NELL1: variants seen among roughly 807,000 people sequenced by gnomAD.
NELL1 encodes the protein neural EGFL like 1, also known as protein kinase C-binding protein NELL1.
Under a neutral mutation model 107.4 loss-of-function variants are expected in NELL1, and 76 were observed. The observed-to-expected ratio is 0.71, with a 90% CI of 0.59 to 0.86. NELL1 has a LOEUF of 0.86. Ranked by LOEUF, NELL1 falls within the 40% of genes least tolerant of loss-of-function variation. NELL1 has a pLI of 0.00. For synonymous variants in NELL1, 353 were observed against 341.2 expected, an observed-to-expected ratio of 1.03 and a Z score of -0.38; for missense variants, 1,024 against 1,005.5, an observed-to-expected ratio of 1.02 and a Z score of -0.25.
chr11:20,948,888 G>A (rs1851018097), intron 11 of NELL1, among the ~76,000 whole-genome samples: 1 of 151,760 alleles, frequency 6.6e-6, no homozygotes, highest in South Asian at 2.1e-4. Context: ...GAGCTTTGAA[G>A]CTTCCAGAGT....
intron 12 of NELL1, among the ~76,000 whole-genome samples, chr11:21,037,971 T>A (rs572226573): frequency 1.5e-4 from 23 of 152,176 alleles, no homozygotes; most frequent in Non-Finnish European, 2.8e-4. Context: ...AAGAGAGATG[T>A]TTGTTGGTTG....
chr11:21,231,915 G>A (rs1858061187), intron 14 of NELL1, among the ~76,000 whole-genome samples: 1 of 152,030 alleles, frequency 6.6e-6, no homozygotes. Flanking sequence ...ATTGGATAAA[G>A]AGCTTGTACT....
chr11:21,557,667 C>T (rs1856752330), intron 16 of NELL1, among the ~76,000 whole-genome samples: 1 of 151,910 alleles, frequency 6.6e-6, no homozygotes, highest in Non-Finnish European at 1.5e-5. Context: ...TGCTAATTTG[C>T]TGTATTTTTT....
intron 2 of NELL1, among the ~76,000 whole-genome samples, chr11:20,693,302 G>T (rs1243953774): frequency 2.0e-5 from 3 of 151,764 alleles, no homozygotes; most frequent in Non-Finnish European, 4.4e-5. Flanking sequence ...AGCTAATATT[G>T]TCGTATGTGA....
chr11:20,684,101 T>A (rs1854251152), intron 2 of NELL1, among the ~76,000 whole-genome samples: 1 of 151,412 alleles, frequency 6.6e-6, no homozygotes, highest in South Asian at 2.1e-4. Context: ...ATTGATATTA[T>A]ATTTATTTAA....
intron 13 of NELL1, among the ~76,000 whole-genome samples, chr11:21,208,263 C>T (rs1012795989): frequency 4.0e-5 from 6 of 151,704 alleles, no homozygotes; most frequent in Admixed American, 1.3e-4. Context: ...ATAAAAGATA[C>T]GTATTATAAA....
intron 11 of NELL1, among the ~76,000 whole-genome samples, chr11:20,948,765 T>TAAAAAAAAAAA (rs35915453): frequency 1.9e-5 from 2 of 107,284 alleles, no homozygotes; most frequent in Non-Finnish European, 1.9e-5. Flanking sequence ...TTCAAAATCT[T>TAAAAAAAAAAA]AAAAAAAAAA....
intron 15 of NELL1, among the ~76,000 whole-genome samples, chr11:21,409,412 C>A (rs1475958275): frequency 6.6e-6 from 1 of 151,826 alleles, no homozygotes; most frequent in Non-Finnish European, 1.5e-5. Flanking sequence ...AGGGGAACAT[C>A]ACACTCTGAG....
chr11:20,807,040 T>G (rs568398424), intron 3 of NELL1, among the ~76,000 whole-genome samples: 1 of 152,194 alleles, frequency 6.6e-6, no homozygotes, highest in African/African-American at 2.4e-5. Context: ...GTTTGATCCT[T>G]GGTGCATTAT....
At chr11:21,397,480 C>T (rs1023825863) in intron 15 of NELL1, among the ~76,000 whole-genome samples, 12 of 151,712 alleles carry the variant, frequency 7.9e-5, no homozygotes, top group African/African-American at 2.7e-4. Context: ...CTATTTACTT[C>T]CACCTAGTAT....
At chr11:21,521,685 G>A (rs1855729269) in intron 15 of NELL1, among the ~76,000 whole-genome samples, 1 of 152,012 alleles carries the variant, frequency 6.6e-6, no homozygotes, top group East Asian at 1.9e-4. Flanking sequence ...TTTAGTTCTA[G>A]TGTTTTTCAT....
At chr11:21,107,910 C>T (rs963665336) in intron 12 of NELL1, among the ~76,000 whole-genome samples, 4 of 152,162 alleles carry the variant, frequency 2.6e-5, no homozygotes, top group Admixed American at 6.5e-5. Flanking sequence ...TCTTAACTGT[C>T]AATCCAGTGT....
intron 2 of NELL1, among the ~76,000 whole-genome samples, chr11:20,742,723 A>G (rs771635180): frequency 5.9e-5 from 9 of 152,150 alleles, no homozygotes; most frequent in Non-Finnish European, 7.3e-5. Flanking sequence ...CCGTGATTCA[A>G]TGACCTCCTA....
intron 15 of NELL1, among the ~76,000 whole-genome samples, chr11:21,474,579 T>C (rs1249993394): frequency 6.6e-6 from 1 of 152,140 alleles, no homozygotes; most frequent in Non-Finnish European, 1.5e-5. Flanking sequence ...AGGTTGCCAG[T>C]CTAATAACTG....
intron 4 of NELL1, among the ~76,000 whole-genome samples, chr11:20,873,842 C>A (rs1251435502): frequency 6.6e-6 from 1 of 151,710 alleles, no homozygotes; most frequent in Non-Finnish European, 1.5e-5. Context: ...CAGCTCACCG[C>A]AGCCTCGACC....
chr11:21,388,551 T>A (rs1385562677), intron 15 of NELL1, among the ~76,000 whole-genome samples: 2 of 151,754 alleles, frequency 1.3e-5, no homozygotes, highest in Non-Finnish European at 2.9e-5. Flanking sequence ...AACAAAACAG[T>A]GTCAAGTAAG....
At chr11:21,087,931 C>T (rs966217700) in intron 12 of NELL1, among the ~76,000 whole-genome samples, 2 of 151,974 alleles carry the variant, frequency 1.3e-5, no homozygotes, top group African/African-American at 4.8e-5. Flanking sequence ...ACTATCTGGC[C>T]CTTTATAAGA....
chr11:20,723,948 C>A (rs1855451963), intron 2 of NELL1, among the ~76,000 whole-genome samples: 1 of 152,322 alleles, frequency 6.6e-6, no homozygotes, highest in South Asian at 2.1e-4. Context: ...GGGCTTGCAC[C>A]CTCTGAGGCC....
chr11:21,555,317 T>G (rs540013597), intron 16 of NELL1, among the ~76,000 whole-genome samples: 1 of 152,016 alleles, frequency 6.6e-6, no homozygotes, highest in Non-Finnish European at 1.5e-5. Flanking sequence ...ATAATACTTT[T>G]TAAGCAAGGG....
Sources: allele counts gnomAD v4.1 joint callset (sites outside exome capture counted in the v4.1 genomes callset), GRCh38; gene constraint gnomAD v4.1.1; transcripts MANE v1.5; gene names NCBI Gene and HGNC (gene_info 2026-07-23, HGNC 2026-07-21).